The following ARRDC3 variants were observed in gnomAD, a reference collection of about 807,000 sequenced individuals.
The protein encoded by ARRDC3 is arrestin domain-containing protein 3.
In ARRDC3, 10 loss-of-function variants were observed where a neutral mutation model predicts 47.2. The ratio of observed to expected loss-of-function variants is 0.21; its 90% CI spans 0.13 to 0.36. The LOEUF (loss-of-function observed/expected upper bound fraction) is 0.36, where lower values mean the gene tolerates loss of function less well. ARRDC3 is among the 10% of genes least tolerant of loss of function. ARRDC3 has a pLI of 1.00. For synonymous variants in ARRDC3, 156 were observed against 178.3 expected (o/e 0.87, Z 1.00); for missense variants, 381 against 503.6 (o/e 0.76, Z 2.33).
chr5:91,371,319 G>A lies in ARRDC3; in HGVS notation c.*81C>T, dbSNP rs1799171348. On this transcript the variant is annotated 3_prime_UTR_variant, in exon 8 of 8. Transcript: ENST00000265138. ...AGTAATTCCACTTCCTCTGAAACGTGTCTCCAAGATACTTCTCTGTCCTCA... is the reference window on the plus strand; with the variant it reads ...AGTAATTCCACTTCCTCTGAAACGTATCTCCAAGATACTTCTCTGTCCTCA... 1 of 1,252,124 alleles carries A rather than the reference G, an allele frequency of 8.0e-7. No individual in the cohort carries two copies. The highest frequency in any genetic ancestry group is 1.1e-6 in the Non-Finnish European group (1 of 877,086). The allele number at this position is 1,252,124 out of a possible 1,614,324, so 77.6% of individuals were successfully genotyped here.
chr5:91,372,296 G>GA (rs1799196520), intron 7 of ARRDC3, among the ~76,000 whole-genome samples: 2 of 151,994 alleles, frequency 1.3e-5, no homozygotes, highest in Non-Finnish European at 2.9e-5. Context: ...ATTTTTGAAG[G>GA]AAAAAAGCCA....
chr5:91,377,862 C>A (rs1799341627), intron 2 of ARRDC3, among the ~76,000 whole-genome samples: 1 of 151,872 alleles, frequency 6.6e-6, no homozygotes, highest in Non-Finnish European at 1.5e-5. Context: ...TATGACTTCT[C>A]TCTCTATATA....
intron 2 of ARRDC3, 68 bp from the exon 3 acceptor site, chr5:91,376,836 A>C: frequency 6.4e-6 from 9 of 1,407,244 alleles, no homozygotes; most frequent in Non-Finnish European, 9.6e-7. Context: ...AGTAGGTCAG[A>C]ATAGAAGTGT....
chr5:91,370,725 T>C lies in ARRDC3; in HGVS notation c.*675A>G, dbSNP rs1160569786. 1 of 152,522 alleles carries C rather than the reference T, an allele frequency of 6.6e-6. No homozygotes were observed. Among genetic ancestry groups the C allele is most frequent in the Admixed American group, 6.6e-5 (1 of 15,246 alleles). 9.4% of individuals were successfully genotyped at this position (152,522 alleles called of 1,614,324 possible). A position where few individuals can be genotyped will look rare whatever the true frequency, so the allele number is the denominator to read the frequency against. ...TTTTTCCCACATTATCTGTTGCGTA[T>C]CTACTACAGTAGGCTGCAAAACATA... On this transcript the variant is annotated 3_prime_UTR_variant, in exon 8 of 8. Coordinates refer to ENST00000265138, the MANE Select transcript of ARRDC3 (RefSeq NM_020801.4).
chr5:91,373,606 C>T, intron 7 of ARRDC3, 78 bp downstream of exon 7: 4 of 1,381,796 alleles, frequency 2.9e-6, no homozygotes, highest in South Asian at 2.8e-5. Flanking sequence ...GATCTAATAA[C>T]ATTAAGAAAA....
chr5:91,379,159 G>C (rs1458322151), intron 1 of ARRDC3, among the ~76,000 whole-genome samples: 1 of 151,934 alleles, frequency 6.6e-6, no homozygotes, highest in African/African-American at 2.4e-5. Context: ...ATCACATTAA[G>C]ACTATAATGT....
At position 91,369,350 on chromosome 5, in the gene ARRDC3, A is replaced by AG. The variant is rs927284251; in HGVS notation, c.*2049dup. On this transcript the variant is annotated 3_prime_UTR_variant, in exon 8 of 8. Transcript: ENST00000265138. ...CCAAATATTCCATTAGCTTTTTTTG[A>AG]GGGGGACATTCACAAAATGATTCAA... The AG allele has an allele frequency of 6.6e-6, 1 of 152,350 alleles. No homozygotes were observed. Among genetic ancestry groups the AG allele is most frequent in the African/African-American group, 2.4e-5 (1 of 41,358 alleles). The allele number at this position is 152,350 out of a possible 1,614,324, so 9.4% of individuals were successfully genotyped here. A position where few individuals can be genotyped will look rare whatever the true frequency, so the allele number is the denominator to read the frequency against.
Position 91,373,770 on chromosome 5 carries a change from A to G in ARRDC3, c.1102T>C (p.Cys368Arg). The G allele has an allele frequency of 1.2e-6, 2 of 1,614,100 alleles. No homozygotes were observed. The highest frequency in any genetic ancestry group is 2.2e-5 in the South Asian group (2 of 91,090). The part of the protein sequence containing the change: ...RRNNLAPVSA[C>R]DDFERALQGP... ...TGAAGGGCTCTCTCAAAGTCATCAC[A>G]AGCACTCACTGGTGCAAGATTGTTC... is the stretch of plus-strand genomic sequence containing the variant. Residue 368 changes from cysteine to arginine, a missense_variant, in exon 7 of 8, where the codon TGT (cysteine) becomes CGT (arginine). Coordinates refer to ENST00000265138, the MANE Select transcript of ARRDC3 (RefSeq NM_020801.4).
At chr5:91,374,808 C>T in intron 5 of ARRDC3, 114 bp downstream of exon 5, 1 of 1,100,376 alleles carries the variant, frequency 9.1e-7, no homozygotes, top group Admixed American at 2.5e-5. Context: ...TCACTGGAGC[C>T]CAGAAAGCAG....
In ARRDC3 at chr5:91,373,712, C is replaced by A. The variant is rs1348057924; in HGVS notation, c.1160G>T (p.Arg387Leu). Residue 387 changes from arginine (R) to leucine (L), a missense_variant, in exon 7 of 8, where the codon CGA (arginine) becomes CTA (leucine). Coordinates refer to ENST00000265138, the MANE Select transcript of ARRDC3 (RefSeq NM_020801.4). Reference protein sequence around the residue: ...GPLFAYIQEFRFLPPPLYSEI... With the variant: ...GPLFAYIQEFLFLPPPLYSEI... ...TGAATAAAGAGGTGGAGGCAAGAATCGAAACTCCTGGATATATGCAAACAG... is the reference window on the plus strand; with the variant it reads ...TGAATAAAGAGGTGGAGGCAAGAATAGAAACTCCTGGATATATGCAAACAG... 2 of 1,613,616 alleles carry A rather than the reference C, an allele frequency of 1.2e-6. No homozygotes were observed. The highest frequency in any genetic ancestry group is 1.7e-6 in the Non-Finnish European group (2 of 1,179,784).
rs1799480646 is a variant in ARRDC3, at chr5:91,382,799, T to C, written c.280+14A>G. ...GAAAATGAGTCCAATGACTTATGAA[T>C]AACAAAAACTTACCTCTTTCGTGCC... On this transcript the variant is annotated intron_variant, in intron 1 of 7. Transcript: ENST00000265138. 1.2e-6 allele frequency: 2 copies of C among 1,604,278 alleles called. No individual in the cohort carries two copies. Among genetic ancestry groups the C allele is most frequent in the Non-Finnish European group, 1.7e-6 (2 of 1,175,442 alleles).
At position 91,375,180 on chromosome 5, in the gene ARRDC3, T is replaced by C; in HGVS notation, c.614-2A>G. On this transcript the variant is annotated splice_acceptor_variant, in intron 4 of 7. Coordinates refer to ENST00000265138, the MANE Select transcript of ARRDC3 (RefSeq NM_020801.4). LOFTEE classifies it high-confidence loss of function. The stretch of plus-strand genomic sequence containing the variant: ...CAGCAAATATCTGAATTGATTCACC[T>C]AGAGAGGGAAAAATATATACATATC... 6.2e-7 allele frequency: 1 copy of C among 1,611,530 alleles called. No individual in the cohort carries two copies. Among genetic ancestry groups the C allele is most frequent in the Non-Finnish European group, 8.5e-7 (1 of 1,179,370 alleles).
At chr5:91,375,466 G>C (rs780595898) in intron 4 of ARRDC3, 45 bp downstream of exon 4, 2 of 1,301,136 alleles carry the variant, frequency 1.5e-6, no homozygotes, top group Admixed American at 2.0e-5. Flanking sequence ...AAACACAAAA[G>C]CTAAGTGAAG....
In ARRDC3 at chr5:91,374,686, C is replaced by A. The variant is rs371088551; in HGVS notation, c.870+236G>T. ...ATCACTTGAGCCCAGGAGTTCAAGA[C>A]CAACCTGGGCGACATGGTCAAACTC... On this transcript the variant is annotated intron_variant, in intron 5 of 7. Transcript: ENST00000265138. 2.0e-5 allele frequency among the ~76,000 whole-genome samples: 3 copies of A among 152,168 alleles called. No homozygotes were observed. The South Asian group carries it at 6.2e-4, about 32-fold the overall frequency.
At position 91,371,082 on chromosome 5, in the gene ARRDC3, T is replaced by G. The variant is rs1466469313; in HGVS notation, c.*318A>C. ...ATGTAAGCATTGAGCATGTGCAAATTTTCAAATCAAAAGAAGGAAATCATC... is the reference window on the plus strand; with the variant it reads ...ATGTAAGCATTGAGCATGTGCAAATGTTCAAATCAAAAGAAGGAAATCATC... On this transcript the variant is annotated 3_prime_UTR_variant, in exon 8 of 8. Transcript: ENST00000265138. The G allele has an allele frequency of 3.5e-6, 1 of 283,910 alleles. No individual in the cohort carries two copies. The highest frequency in any genetic ancestry group is 4.8e-5 in the Admixed American group (1 of 20,758). The allele number at this position is 283,910 out of a possible 1,614,324, so 17.6% of individuals were successfully genotyped here. A position where few individuals can be genotyped will look rare whatever the true frequency, so the allele number is the denominator to read the frequency against.
chr5:91,371,347 C>T lies in ARRDC3; in HGVS notation c.*53G>A, dbSNP rs998999627. The T allele has an allele frequency of 4.7e-5, 69 of 1,477,672 alleles. No individual in the cohort carries two copies. Among genetic ancestry groups the T allele is most frequent in the Admixed American group, 1.0e-4 (6 of 57,610 alleles). 91.5% of individuals were successfully genotyped at this position (1,477,672 alleles called of 1,614,324 possible). On this transcript the variant is annotated 3_prime_UTR_variant, in exon 8 of 8. Transcript: ENST00000265138. ...TCCAAGATACTTCTCTGTCCTCAGC[C>T]GGAAGAGATACAGTTCGGAACCCAC...
chr5:91,376,661 G>A lies in ARRDC3; in HGVS notation c.470C>T (p.Thr157Ile). 1.2e-6 allele frequency: 2 copies of A among 1,612,918 alleles called. No individual in the cohort carries two copies. The highest frequency in any genetic ancestry group is 1.7e-6 in the Non-Finnish European group (2 of 1,179,012). ...LLPVKLKKEF[T>I]VFEHIDINTP... ...GTTGATATCTATATGCTCAAAGACT[G>A]TAAATTCCTTCTTTAATTTTACTGG... The change falls in exon 3 of 8, where the codon ACA (threonine) becomes ATA (isoleucine). Residue 157 changes from threonine (T) to isoleucine (I), a missense_variant. Transcript: ENST00000265138.
At chr5:91,373,372 T>G (rs565634652) in intron 7 of ARRDC3, among the ~76,000 whole-genome samples, 34 of 152,354 alleles carry the variant, frequency 2.2e-4, no homozygotes, top group Admixed American at 1.2e-3. Flanking sequence ...GTTCTTCCTA[T>G]TGATGCTTGG....
rs981804113 is a variant in ARRDC3, at chr5:91,375,287, G to T, written c.614-109C>A. 4 of 1,241,936 alleles carry T rather than the reference G, an allele frequency of 3.2e-6. No individual in the cohort carries two copies. In the African/African-American group the frequency reaches 4.6e-5, roughly 14 times the overall value. 76.9% of individuals were successfully genotyped at this position (1,241,936 alleles called of 1,614,324 possible). A position where few individuals can be genotyped will look rare whatever the true frequency, so the allele number is the denominator to read the frequency against. ...GTGCAACTAACATACATGAAAAGAT[G>T]TCCCAGGAACTGCAAATAACTTGAG... On this transcript the variant is annotated intron_variant, in intron 4 of 7. Coordinates refer to ENST00000265138, the MANE Select transcript of ARRDC3 (RefSeq NM_020801.4).
Sources: gnomAD v4.1 joint callset for allele counts (sites outside exome capture counted in the v4.1 genomes callset) on GRCh38, gnomAD v4.1.1 for gene constraint, MANE v1.5 for transcripts, NCBI Gene and HGNC (gene_info 2026-07-23, HGNC 2026-07-21) for gene names.